The following NEGR1 variants were observed in gnomAD, a reference collection of about 807,000 sequenced individuals.
The protein encoded by NEGR1 is IgLON family member 4.
A neutral mutation model predicts 40.9 loss-of-function variants in NEGR1; 10 were observed. The observed-to-expected ratio is 0.24, with a 90% confidence interval of 0.15 to 0.42. The LOEUF is 0.42. NEGR1 is among the 10% of genes least tolerant of loss of function. NEGR1 has a pLI of 1.00. For synonymous variants in NEGR1, 185 were observed against 166.8 expected (o/e 1.11, Z -0.84); for missense variants, 352 against 438.9 (o/e 0.80, Z 1.77).
At chr1:72,244,198 G>C (rs761739442) in intron 1 of NEGR1, among the ~76,000 whole-genome samples, 1 of 151,720 alleles carries the variant, frequency 6.6e-6, no homozygotes, top group Non-Finnish European at 1.5e-5. Flanking sequence ...GATCTAGGCT[G>C]CTATTAATGC....
chr1:71,740,631 C>T (rs1451803865), intron 3 of NEGR1, among the ~76,000 whole-genome samples: 1 of 152,002 alleles, frequency 6.6e-6, no homozygotes, highest in Non-Finnish European at 1.5e-5. Flanking sequence ...ATGTAATTTT[C>T]AAGATATATT....
intron 6 of NEGR1, 179 bp from the exon 7 acceptor site, chr1:71,407,749 A>G: frequency 1.8e-6 from 1 of 547,640 alleles, no homozygotes; most frequent in Non-Finnish European, 3.3e-6. Flanking sequence ...AACTTCTCAG[A>G]GCTTCAGTTT....
intron 3 of NEGR1, among the ~76,000 whole-genome samples, chr1:71,705,734 A>G (rs1653867880): frequency 6.6e-6 from 1 of 151,970 alleles, no homozygotes; most frequent in Admixed American, 6.5e-5. Flanking sequence ...AAAGAAAGAA[A>G]AGAAAAGAAA....
At chr1:72,141,274 T>G (rs1650667118) in intron 1 of NEGR1, among the ~76,000 whole-genome samples, 1 of 151,946 alleles carries the variant, frequency 6.6e-6, no homozygotes, top group African/African-American at 2.4e-5. Flanking sequence ...TAAGAACACT[T>G]TGTAAAGAGG....
intron 2 of NEGR1, among the ~76,000 whole-genome samples, chr1:71,859,907 G>T (rs548951023): frequency 1.3e-5 from 2 of 152,180 alleles, no homozygotes; most frequent in South Asian, 4.1e-4. Context: ...TAGCATTAGA[G>T]AACCTCTCAT....
intron 2 of NEGR1, among the ~76,000 whole-genome samples, chr1:71,811,452 A>T (rs1021550112): frequency 8.6e-5 from 13 of 152,018 alleles, no homozygotes; most frequent in Admixed American, 8.5e-4. Flanking sequence ...TAACCACCTT[A>T]TTACATAGTA....
At chr1:71,636,568 A>G (rs1207884979) in intron 4 of NEGR1, among the ~76,000 whole-genome samples, 1 of 152,110 alleles carries the variant, frequency 6.6e-6, no homozygotes, top group Non-Finnish European at 1.5e-5. Flanking sequence ...AAGCTTCTCC[A>G]ATGGAAAGGT....
intron 1 of NEGR1, among the ~76,000 whole-genome samples, chr1:72,004,165 T>C (rs1332827188): frequency 2.0e-5 from 3 of 151,982 alleles, no homozygotes; most frequent in African/African-American, 4.8e-5. Context: ...TTTATTTTCA[T>C]AATATAATTA....
chr1:71,962,085 G>GA (rs1442880600), intron 1 of NEGR1, among the ~76,000 whole-genome samples: 1 of 151,660 alleles, frequency 6.6e-6, no homozygotes, highest in East Asian at 1.9e-4. Flanking sequence ...ATGCTTTCAT[G>GA]AAAAAAAATC....
chr1:72,077,663 AATAG>A, intron 1 of NEGR1, among the ~76,000 whole-genome samples: 1 of 147,812 alleles, frequency 6.8e-6, no homozygotes, highest in Non-Finnish European at 1.5e-5. Flanking sequence ...TAAATAAATA[AATAG>A]GCCGGTGCAG....
intron 6 of NEGR1, chr1:71,488,021 G>A (rs1646899403): frequency 6.6e-6 from 1 of 151,806 alleles, no homozygotes; most frequent in African/African-American, 2.4e-5. Flanking sequence ...GACATTCCCA[G>A]ACTCCATTGA....
At chr1:71,496,246 G>A (rs1646962396) in intron 6 of NEGR1, among the ~76,000 whole-genome samples, 1 of 152,106 alleles carries the variant, frequency 6.6e-6, no homozygotes, top group Non-Finnish European at 1.5e-5. Context: ...CATAAGTACA[G>A]CAATATGGGA....
chr1:72,061,910 C>A (rs367937718), intron 1 of NEGR1, among the ~76,000 whole-genome samples: 42 of 151,760 alleles, frequency 2.8e-4, no homozygotes, highest in African/African-American at 9.2e-4. Context: ...TTATAATGGG[C>A]TCCCTGCCTG....
chr1:72,221,292 A>G (rs1654004561), intron 1 of NEGR1, among the ~76,000 whole-genome samples: 1 of 152,104 alleles, frequency 6.6e-6, no homozygotes, highest in African/African-American at 2.4e-5. Flanking sequence ...TCATAATTTG[A>G]TTACTGGAAA....
At position 72,130,928 on chromosome 1, in the gene NEGR1, G is replaced by A. The variant is rs74776444; in HGVS notation, c.176+151391C>T. Among the ~76,000 whole-genome samples, 920 of 152,206 alleles carry A rather than the reference G, an allele frequency of 6.0e-3. 9 individuals are homozygous for A. The highest frequency in any genetic ancestry group is 0.021 in the African/African-American group (875 of 41,538). On this transcript the variant is annotated intron_variant, in intron 1 of 6. Transcript: ENST00000357731. The stretch of plus-strand genomic sequence containing the variant: ...AAGAAAAATGGAGGGAAGGATTAAC[G>A]GATGAGGAATAGAATTAGGAAAAAG...
At chr1:71,801,963 G>A (rs1432878492) in intron 2 of NEGR1, among the ~76,000 whole-genome samples, 1 of 152,148 alleles carries the variant, frequency 6.6e-6, no homozygotes, top group African/African-American at 2.4e-5. Flanking sequence ...AGGTGCTCTG[G>A]TAGGGTCTCA....
chr1:71,944,545 TAATA>T (rs1372003601), intron 1 of NEGR1, among the ~76,000 whole-genome samples: 1 of 152,046 alleles, frequency 6.6e-6, no homozygotes, highest in Non-Finnish European at 1.5e-5. Context: ...TTGCATATAT[TAATA>T]AATAGAGATT....
chr1:72,083,526 C>G (rs1648087723), intron 1 of NEGR1, among the ~76,000 whole-genome samples: 1 of 151,974 alleles, frequency 6.6e-6, no homozygotes, highest in Non-Finnish European at 1.5e-5. Context: ...GCCCAGCTCT[C>G]TCTGTTTGTC....
chr1:71,624,701 G>A lies in NEGR1; in HGVS notation c.668-13555C>T, dbSNP rs112971727. ...GTCATCCCTCAGATATTGACATGTC[G>A]TGCTTACATCCTCATTTCCTTCCAG... On this transcript the variant is annotated intron_variant, in intron 4 of 6. Coordinates refer to ENST00000357731, the MANE Select transcript of NEGR1 (RefSeq NM_173808.3). Among the ~76,000 whole-genome samples the A allele has an allele frequency of 1.8e-3, 277 of 151,672 alleles. 1 individual carries two copies. The highest frequency in any genetic ancestry group is 5.7e-3 in the African/African-American group (238 of 41,450).
Sources: allele counts gnomAD v4.1 joint callset (sites outside exome capture counted in the v4.1 genomes callset), GRCh38; gene constraint gnomAD v4.1.1; transcripts MANE v1.5; gene names NCBI Gene and HGNC (gene_info 2026-07-23, HGNC 2026-07-21).